The following WAPL variants were observed in gnomAD, a reference collection of about 807,000 sequenced individuals.
WAPL encodes the protein WAPL cohesin release factor, also known as wings apart-like protein homolog.
A neutral mutation model predicts 121.0 loss-of-function variants in WAPL; 5 were observed. The observed-to-expected ratio is 0.04, with a 90% CI of 0.02 to 0.09. WAPL has a LOEUF of 0.09. Ranked by LOEUF, WAPL falls within the 10% of genes least tolerant of loss-of-function variation. The probability of loss-of-function intolerance (pLI) is 1.00; values close to 1 mark genes in which losing one functional copy is unlikely to be tolerated. For synonymous variants in WAPL, 480 were observed against 481.5 expected (o/e 1.00, Z 0.04); for missense variants, 999 against 1,410.8 (o/e 0.71, Z 4.68).
intron 18 of WAPL, 32 bp from the exon 19 acceptor site, chr10:86,437,640 C>G (rs932676207): frequency 8.1e-6 from 13 of 1,604,530 alleles, no homozygotes; most frequent in Admixed American, 1.7e-5. Flanking sequence ...AAGGAAGTAA[C>G]AGTTAATATT....
At chr10:86,520,213 TGAACCTGG>T (rs1228126359) in intron 1 of WAPL, among the ~76,000 whole-genome samples, 2 of 152,168 alleles carry the variant, frequency 1.3e-5, no homozygotes, top group Non-Finnish European at 2.9e-5. Context: ...GAGAATCAAT[TGAACCTGG>T]GAGGCGGAGG....
intron 17 of WAPL, among the ~76,000 whole-genome samples, chr10:86,439,222 C>G (rs1419895145): frequency 6.6e-6 from 1 of 151,808 alleles, no homozygotes; most frequent in Non-Finnish European, 1.5e-5. Context: ...TAGAAAGCAG[C>G]AAAAAAATGA....
At chr10:86,477,257 T>G (rs1185358206) in intron 4 of WAPL, among the ~76,000 whole-genome samples, 7 of 152,264 alleles carry the variant, frequency 4.6e-5, no homozygotes, top group Admixed American at 3.3e-4. Context: ...TCCAAAACAG[T>G]ACAGTAATTC....
chr10:86,486,315 T>G (rs1417570899), intron 4 of WAPL, among the ~76,000 whole-genome samples: 1 of 152,188 alleles, frequency 6.6e-6, no homozygotes, highest in East Asian at 1.9e-4. Flanking sequence ...TGTTCTTGGG[T>G]GAGATGTGGG....
At position 86,499,600 on chromosome 10, in the gene WAPL, T is replaced by C. The variant is rs756502613; in HGVS notation, c.1525+118A>G. ...TGTGAATGGGATCTTTATCTTATTA[T>C]ACTGTACTCACCTCTTTTCAGAATA... On this transcript the variant is annotated intron_variant, in intron 3 of 18. Coordinates refer to ENST00000298767, the MANE Select transcript of WAPL (RefSeq NM_015045.5). The C allele has an allele frequency of 5.1e-5, 50 of 982,802 alleles. 1 individual carries two copies. Among genetic ancestry groups the C allele is most frequent in the Non-Finnish European group, 6.9e-5 (47 of 683,994 alleles). 60.9% of individuals were successfully genotyped at this position (982,802 alleles called of 1,614,324 possible). A position where few individuals can be genotyped will look rare whatever the true frequency, so the allele number is the denominator to read the frequency against.
intron 2 of WAPL, among the ~76,000 whole-genome samples, chr10:86,502,239 C>A (rs371627655): frequency 3.9e-5 from 6 of 152,156 alleles, no homozygotes; most frequent in African/African-American, 1.2e-4. Context: ...TATAGCAACA[C>A]ACCTGAATAC....
chr10:86,471,195 G>A (rs1348041185), intron 7 of WAPL, 92 bp from the exon 8 acceptor site: 2 of 926,274 alleles, frequency 2.2e-6, no homozygotes, highest in South Asian at 1.4e-5. Flanking sequence ...AATAGGAAGG[G>A]GGTAAAAGGG....
At chr10:86,503,863 T>C (rs1842292762) in intron 2 of WAPL, among the ~76,000 whole-genome samples, 1 of 152,154 alleles carries the variant, frequency 6.6e-6, no homozygotes, top group Non-Finnish European at 1.5e-5. Flanking sequence ...GTAAGTCCAA[T>C]GTCCCAGTAG....
At chr10:86,509,242 A>G (rs981522763) in intron 2 of WAPL, among the ~76,000 whole-genome samples, 1 of 152,120 alleles carries the variant, frequency 6.6e-6, no homozygotes, top group Non-Finnish European at 1.5e-5. Context: ...CTCAAACCCA[A>G]TGTACCCAAA....
chr10:86,448,912 A>C (rs1840902193), intron 15 of WAPL, among the ~76,000 whole-genome samples: 2 of 152,218 alleles, frequency 1.3e-5, no homozygotes, highest in Admixed American at 1.3e-4. Context: ...ATGAGCCACC[A>C]TGTCTGGCCT....
chr10:86,438,760 A>C (rs1463367068), intron 17 of WAPL, among the ~76,000 whole-genome samples: 1 of 152,212 alleles, frequency 6.6e-6, no homozygotes, highest in African/African-American at 2.4e-5. Flanking sequence ...TATATAGGAC[A>C]GGAATTAACT....
In WAPL at chr10:86,521,595, A is replaced by G. The variant is rs1842682478; in HGVS notation, c.-253T>C. The G allele has an allele frequency of 2.2e-6, 1 of 452,158 alleles. No individual in the cohort carries two copies. Among genetic ancestry groups the G allele is most frequent in the South Asian group, 1.6e-5 (1 of 62,310 alleles). 28.0% of individuals were successfully genotyped at this position (452,158 alleles called of 1,614,324 possible). On this transcript the variant is annotated 5_prime_UTR_variant, in exon 1 of 19. An upstream open reading frame in the 5' UTR loses its in-frame stop. Transcript: ENST00000298767. ...AGCGCCGCCGGCCGGGCCCAGGCCTAGCTCTCGCTGGCCGCCACTGCTGGA... is the reference window on the plus strand; with the variant it reads ...AGCGCCGCCGGCCGGGCCCAGGCCTGGCTCTCGCTGGCCGCCACTGCTGGA...
intron 2 of WAPL, among the ~76,000 whole-genome samples, chr10:86,514,887 G>A (rs1195513168): frequency 1.3e-5 from 2 of 152,126 alleles, no homozygotes; most frequent in Admixed American, 1.3e-4. Flanking sequence ...AGTCAGCCCT[G>A]AGCACTTTCA....
Position 86,453,843 on chromosome 10 carries a change from A to G in WAPL, c.2658-12T>C, listed in dbSNP as rs779646236. On this transcript the variant is annotated splice_polypyrimidine_tract_variant and intron_variant, in intron 12 of 18. Coordinates refer to ENST00000298767, the MANE Select transcript of WAPL (RefSeq NM_015045.5). Reference sequence around the variant, plus strand: ...AATGCTGTAATGCTCTTAAAAGGAAATAAAATATAGACTATTATAGTAAAT... The same window carrying G: ...AATGCTGTAATGCTCTTAAAAGGAAGTAAAATATAGACTATTATAGTAAAT... 6 of 1,581,058 alleles carry G rather than the reference A, an allele frequency of 3.8e-6. No homozygotes were observed. The South Asian group carries it at 5.8e-5, about 15-fold the overall frequency.
At chr10:86,510,993 A>AT (rs34364720) in intron 2 of WAPL, among the ~76,000 whole-genome samples, 138 of 146,048 alleles carry the variant, frequency 9.4e-4, no homozygotes, top group South Asian at 4.8e-3. Flanking sequence ...CATCAGGCTA[A>AT]TTTTTTTTTT....
Position 86,500,748 on chromosome 10 carries a change from A to G in WAPL, c.500-5T>C, listed in dbSNP as rs1288988428. ...CATGAAAATTCTCCACTTTATCTGT[A>G]AAAATAAGTCAAAGGATAAAAACAT... On this transcript the variant is annotated splice_polypyrimidine_tract_variant and splice_region_variant and intron_variant, in intron 2 of 18. Coordinates refer to ENST00000298767, the MANE Select transcript of WAPL (RefSeq NM_015045.5). The G allele has an allele frequency of 2.6e-6, 4 of 1,544,358 alleles. No homozygotes were observed. In the South Asian group the frequency reaches 5.1e-5, roughly 20 times the overall value.
chr10:86,465,828 T>A (rs1213656041), intron 9 of WAPL, among the ~76,000 whole-genome samples: 7 of 152,192 alleles, frequency 4.6e-5, no homozygotes, highest in Admixed American at 4.6e-4. Context: ...GGAGGTACAT[T>A]TGCATGGACT....
chr10:86,498,413 G>A (rs1288172125), intron 3 of WAPL, among the ~76,000 whole-genome samples: 3 of 151,978 alleles, frequency 2.0e-5, no homozygotes, highest in Non-Finnish European at 4.4e-5. Flanking sequence ...TTTTTTCGGG[G>A]GAGGCAGGGG....
At position 86,500,120 on chromosome 10, in the gene WAPL, C is replaced by T; in HGVS notation, c.1123G>A (p.Asp375Asn). ...TCATCCATGCTGCGTTCCATAGTAT[C>T]CTGTATGGTAACATTACAAACTGAC... ...CLSVCNVTIQ[D>N]TMERSMDEFT... The change falls in exon 3 of 19, where the codon GAT becomes AAT. Residue 375 changes from aspartate to asparagine, a missense_variant. Physicochemically the swap from Asp to Asn is conservative, Grantham distance 23 (BLOSUM62 1). Coordinates refer to ENST00000298767, the MANE Select transcript of WAPL (RefSeq NM_015045.5). 5.0e-6 allele frequency: 8 copies of T among 1,614,108 alleles called. No individual in the cohort carries two copies. The highest frequency in any genetic ancestry group is 6.8e-6 in the Non-Finnish European group (8 of 1,180,012).
Sources: allele counts gnomAD v4.1 joint callset (sites outside exome capture counted in the v4.1 genomes callset), GRCh38; gene constraint gnomAD v4.1.1; transcripts MANE v1.5; gene names NCBI Gene and HGNC (gene_info 2026-07-23, HGNC 2026-07-21).